The following COLGALT1 variants were observed in gnomAD, a reference collection of about 807,000 sequenced individuals.
COLGALT1 encodes the protein collagen beta(1-O)galactosyltransferase 1.
Under a neutral mutation model 60.8 loss-of-function variants are expected in COLGALT1, and 43 were observed. The ratio of observed to expected loss-of-function variants is 0.71; its 90% confidence interval spans 0.55 to 0.91. The LOEUF (loss-of-function observed/expected upper bound fraction) is 0.91. Ranked by LOEUF, COLGALT1 falls within the 40% of genes least tolerant of loss-of-function variation. The pLI, the probability that COLGALT1 is intolerant of heterozygous loss-of-function variation, is 0.00. For missense variants in COLGALT1, 845 were observed against 880.0 expected (o/e 0.96, Z 0.50); for synonymous variants, 369 against 374.2 (o/e 0.99, Z 0.16).
At chr19:17,573,132 A>G (rs1264227509) in intron 6 of COLGALT1, among the ~76,000 whole-genome samples, 1 of 152,074 alleles carries the variant, frequency 6.6e-6, no homozygotes, top group Non-Finnish European at 1.5e-5. Context: ...GGTGACTCAA[A>G]CCTGTAATTC....
At chr19:17,570,128 T>G (rs4808668) in intron 5 of COLGALT1, among the ~76,000 whole-genome samples, 36,525 of 150,930 alleles carry the variant, frequency 0.24, 5,211 homozygotes, top group Middle Eastern at 0.33. Flanking sequence ...CTCTTGACCT[T>G]GTGATCTGCC....
chr19:17,570,725 C>A (rs1252286982), intron 5 of COLGALT1, among the ~76,000 whole-genome samples: 1 of 151,922 alleles, frequency 6.6e-6, no homozygotes, highest in Non-Finnish European at 1.5e-5. Flanking sequence ...ACCACCACGC[C>A]TGGCTAATTT....
At chr19:17,561,311 G>T (rs998712887) in intron 3 of COLGALT1, among the ~76,000 whole-genome samples, 5 of 151,952 alleles carry the variant, frequency 3.3e-5, no homozygotes, top group African/African-American at 1.2e-4. Flanking sequence ...CAACCCCTGG[G>T]CTCAAGTGAT....
intron 3 of COLGALT1, among the ~76,000 whole-genome samples, chr19:17,561,138 G>A (rs1186157874): frequency 1.3e-5 from 2 of 151,498 alleles, no homozygotes; most frequent in Non-Finnish European, 2.9e-5. Flanking sequence ...CTAGGAGGCA[G>A]AGGTTGCAGT....
At chr19:17,565,508 C>T (rs1270263124) in intron 3 of COLGALT1, among the ~76,000 whole-genome samples, 1 of 151,758 alleles carries the variant, frequency 6.6e-6, no homozygotes, top group Non-Finnish European at 1.5e-5. Context: ...GTACAAAGAC[C>T]TGTTTGAATT....
At position 17,559,297 on chromosome 19, in the gene COLGALT1, C is replaced by G. The variant is rs200067236; in HGVS notation, c.261-14C>G. On this transcript the variant is annotated splice_polypyrimidine_tract_variant and intron_variant, in intron 1 of 11. Coordinates refer to ENST00000252599, the MANE Select transcript of COLGALT1 (RefSeq NM_024656.4). ...AGTCTCCCCAAGTACGCTGCCTGTC[C>G]CCTCTCCCTGCAGGGTGGCTACGGA... is the stretch of plus-strand genomic sequence containing the variant. 4.4e-5 allele frequency: 68 copies of G among 1,545,542 alleles called. No individual in the cohort carries two copies. In the African/African-American group the frequency reaches 8.6e-4, roughly 20 times the overall value.
chr19:17,579,700 C>T, intron 10 of COLGALT1, 91 bp downstream of exon 10: 1 of 1,391,110 alleles, frequency 7.2e-7, no homozygotes, highest in Non-Finnish European at 9.7e-7. Context: ...GAGCTGGGAC[C>T]TGGGGATGGG....
At chr19:17,575,598 C>T (rs1176687466) in intron 6 of COLGALT1, among the ~76,000 whole-genome samples, 1 of 152,052 alleles carries the variant, frequency 6.6e-6, no homozygotes, top group Non-Finnish European at 1.5e-5. Context: ...CCAGGCTGGT[C>T]TCGAACTCCT....
intron 3 of COLGALT1, among the ~76,000 whole-genome samples, chr19:17,564,310 T>C (rs544150636): frequency 6.6e-6 from 1 of 151,538 alleles, no homozygotes; most frequent in South Asian, 2.1e-4. Flanking sequence ...TATATACATA[T>C]ATACGTGTAT....
intron 3 of COLGALT1, 42 bp from the exon 4 acceptor site, chr19:17,567,364 G>T: frequency 6.2e-7 from 1 of 1,609,970 alleles, no homozygotes; most frequent in South Asian, 1.1e-5. Context: ...ATGGTAGCCT[G>T]ACCTGGCAGC....
chr19:17,571,419 ATAAAT>A (rs1237926812), intron 5 of COLGALT1, among the ~76,000 whole-genome samples: 16 of 148,956 alleles, frequency 1.1e-4, no homozygotes, highest in Non-Finnish European at 1.9e-4. Context: ...AAAAAAATAA[ATAAAT>A]TAAATTAAAA....
At chr19:17,578,182 C>G in intron 9 of COLGALT1, 93 bp downstream of exon 9, 1 of 1,368,640 alleles carries the variant, frequency 7.3e-7, no homozygotes, top group Non-Finnish European at 9.5e-7. Context: ...TCCCCAAAGC[C>G]CCGGCTAGGC....
At chr19:17,562,790 G>C (rs113795508) in intron 3 of COLGALT1, among the ~76,000 whole-genome samples, 12 of 152,290 alleles carry the variant, frequency 7.9e-5, no homozygotes, top group African/African-American at 2.9e-4. Context: ...TGCGTCACGA[G>C]GTGAAGGAGA....
chr19:17,557,161 T>C (rs3848643), intron 1 of COLGALT1, among the ~76,000 whole-genome samples: 135,015 of 152,210 alleles, frequency 0.89, 60,364 homozygotes, highest in African/African-American at 0.97. Context: ...ACCTGATTTC[T>C]CAGTCTGGAT....
intron 1 of COLGALT1, chr19:17,556,487 C>G: frequency 1.1e-5 from 11 of 980,260 alleles, no homozygotes; most frequent in Non-Finnish European, 1.3e-5. Context: ...CCCCTGCCCT[C>G]AGACCGGCGT....
In COLGALT1 at chr19:17,581,753, G is replaced by C. The variant is rs570588070; in HGVS notation, c.*309G>C. On this transcript the variant is annotated 3_prime_UTR_variant, in exon 12 of 12. Transcript: ENST00000252599. ...GTTCCCATGTTACGGCAGTGAATGA[G>C]GCATAATTGTTCCCTCCATCAGCGA... 7 of 425,134 alleles carry C rather than the reference G, an allele frequency of 1.6e-5. No individual in the cohort carries two copies. The highest frequency in any genetic ancestry group is 1.2e-4 in the East Asian group (3 of 24,574). 26.3% of individuals were successfully genotyped at this position (425,134 alleles called of 1,614,324 possible).
intron 3 of COLGALT1, among the ~76,000 whole-genome samples, chr19:17,566,552 TGG>T (rs1457055779): frequency 6.6e-6 from 1 of 151,988 alleles, no homozygotes; most frequent in Non-Finnish European, 1.5e-5. Flanking sequence ...TTGTAGGCCA[TGG>T]GGAGGATCGC....
Position 17,580,699 on chromosome 19 carries a change from C to T in COLGALT1, c.1395C>T (p.Ile465=). ...VEREGLDWDL[I]YVGRKRMQVE... is the part of the protein sequence containing the mutation. ...TGACAGGCCCGATCTTGCACCCCAG[C>T]TATGTGGGCCGGAAGCGGATGCAGG... The change falls in exon 11 of 12, where the codon ATC becomes ATT. Residue 465 remains isoleucine (I), a splice_region_variant and synonymous_variant. Coordinates refer to ENST00000252599, the MANE Select transcript of COLGALT1 (RefSeq NM_024656.4). 1 of 1,613,910 alleles carries T rather than the reference C, an allele frequency of 6.2e-7. No individual in the cohort carries two copies. The highest frequency in any genetic ancestry group is 1.1e-5 in the South Asian group (1 of 91,072).
chr19:17,561,631 C>CAAAAAAAAAAAAAAAAAAAAAAAAAAA (rs11332403), intron 3 of COLGALT1, among the ~76,000 whole-genome samples: 1 of 72,732 alleles, frequency 1.4e-5, no homozygotes, highest in Non-Finnish European at 2.5e-5. Context: ...GACTCTGTCT[C>CAAAAAAAAAAAAAAAAAAAAAAAAAAA]AAAAAAAAAA....
Sources: gnomAD v4.1 joint callset for allele counts (sites outside exome capture counted in the v4.1 genomes callset) on GRCh38, gnomAD v4.1.1 for gene constraint, MANE v1.5 for transcripts, NCBI Gene and HGNC (gene_info 2026-07-23, HGNC 2026-07-21) for gene names.